The following ADSS2 variants were observed in gnomAD, a reference collection of about 807,000 sequenced individuals.
The protein encoded by ADSS2 is adenylosuccinate synthase 2, also known as adenylosuccinate synthetase isozyme 2.
In ADSS2, 30 loss-of-function variants were observed where a neutral mutation model predicts 60.0. The observed-to-expected ratio is 0.50, with a 90% CI of 0.37 to 0.68. ADSS2 has a LOEUF of 0.68. ADSS2 is among the 30% of genes least tolerant of loss of function. The pLI, the probability that ADSS2 is intolerant of heterozygous loss-of-function variation, is 0.00. For synonymous variants in ADSS2, 187 were observed against 193.1 expected, an observed-to-expected ratio of 0.97 and a Z score of 0.26; for missense variants, 373 against 554.8, an observed-to-expected ratio of 0.67 and a Z score of 3.29.
chr1:244,435,358 T>A (rs1441050420), intron 3 of ADSS2, among the ~76,000 whole-genome samples: 2 of 152,030 alleles, frequency 1.3e-5, no homozygotes, highest in Non-Finnish European at 2.9e-5. Flanking sequence ...TTTTTGGACT[T>A]TGGAATATCT....
intron 11 of ADSS2, among the ~76,000 whole-genome samples, chr1:244,412,967 T>C (rs1419312720): frequency 1.3e-5 from 2 of 152,182 alleles, no homozygotes; most frequent in African/African-American, 4.8e-5. Context: ...TTCCCCCTCC[T>C]GGCCAGTAAA....
intron 3 of ADSS2, among the ~76,000 whole-genome samples, chr1:244,435,193 A>AAC (rs1665063429): frequency 7.0e-6 from 1 of 142,198 alleles, no homozygotes; most frequent in Non-Finnish European, 1.6e-5. Context: ...AAAAAAAAAA[A>AAC]AAAACAAACC....
At chr1:244,427,809 T>C (rs546818818) in intron 4 of ADSS2, among the ~76,000 whole-genome samples, 31 of 152,302 alleles carry the variant, frequency 2.0e-4, no homozygotes, top group African/African-American at 7.0e-4. Flanking sequence ...CTAATTAGTA[T>C]ATACAGCATC....
intron 3 of ADSS2, among the ~76,000 whole-genome samples, chr1:244,435,641 C>T (rs537894477): frequency 7.3e-5 from 11 of 151,122 alleles, no homozygotes; most frequent in Non-Finnish European, 1.6e-4. Context: ...CTACCTCCAT[C>T]CTTCTCTTCC....
intron 9 of ADSS2, among the ~76,000 whole-genome samples, chr1:244,418,372 A>C (rs1314666779): frequency 6.6e-6 from 1 of 152,154 alleles, no homozygotes; most frequent in African/African-American, 2.4e-5. Context: ...CGCCGGCTGG[A>C]GTGCCATGGT....
At chr1:244,415,273 T>C (rs1469985394) in intron 11 of ADSS2, among the ~76,000 whole-genome samples, 6 of 152,232 alleles carry the variant, frequency 3.9e-5, no homozygotes, top group African/African-American at 1.4e-4. Flanking sequence ...TAACATATAC[T>C]GGAACAGCCA....
At position 244,412,093 on chromosome 1, in the gene ADSS2, C is replaced by G. The variant is rs536379969; in HGVS notation, c.1169-657G>C. The stretch of plus-strand genomic sequence containing the variant: ...CTCCACCAAAGGGAGCTGCTGCCCC[C>G]CAGCAGCCCATATCCATTGACTTGT... On this transcript the variant is annotated intron_variant, in intron 11 of 12. Transcript: ENST00000366535. 3.3e-3 allele frequency among the ~76,000 whole-genome samples: 509 copies of G among 152,284 alleles called. 4 individuals carry two copies. Among genetic ancestry groups the G allele is most frequent in the African/African-American group, 0.012 (485 of 41,572 alleles).
intron 12 of ADSS2, among the ~76,000 whole-genome samples, chr1:244,410,156 C>T (rs1184486670): frequency 6.6e-6 from 1 of 152,180 alleles, no homozygotes; most frequent in Non-Finnish European, 1.5e-5. Context: ...TTTTGTTAGA[C>T]TCACTGCTGT....
At chr1:244,443,796 G>A (rs1015611664) in intron 1 of ADSS2, among the ~76,000 whole-genome samples, 4 of 152,166 alleles carry the variant, frequency 2.6e-5, no homozygotes, top group African/African-American at 9.7e-5. Flanking sequence ...AGGTTTAGTG[G>A]CTCCTCACAA....
At position 244,409,330 on chromosome 1, in the gene ADSS2, G is replaced by GA. The variant is rs76040005; in HGVS notation, c.*255dup. ...ATGGATTATACTATTACTAAACATT[G>GA]AAAAAAAAAACGTGGCACCATGAGA... On this transcript the variant is annotated 3_prime_UTR_variant, in exon 13 of 13. Transcript: ENST00000366535. 187,307 of 308,818 alleles carry GA rather than the reference G, an allele frequency of 0.61. 49,404 individuals carry two copies. The highest frequency in any genetic ancestry group is 0.62 in the Admixed American group (12,448 of 19,954). 19.1% of individuals were successfully genotyped at this position (308,818 alleles called of 1,614,324 possible). A position where few individuals can be genotyped will look rare whatever the true frequency, so the allele number is the denominator to read the frequency against.
intron 7 of ADSS2, among the ~76,000 whole-genome samples, chr1:244,420,657 G>A (rs1664653271): frequency 6.6e-6 from 1 of 152,060 alleles, no homozygotes; most frequent in Admixed American, 6.6e-5. Flanking sequence ...ATTTTGTGAG[G>A]TATTTGAAAA....
chr1:244,443,865 G>A (rs1558280848), intron 1 of ADSS2, among the ~76,000 whole-genome samples: 1 of 152,172 alleles, frequency 6.6e-6, no homozygotes, highest in Non-Finnish European at 1.5e-5. Flanking sequence ...GCCACGTGCT[G>A]ACACCGCCTT....
rs60576167 is a variant in ADSS2 at position 244,435,168 on chromosome 1, C to CAAAAAAAAAAAAAAAAAAAAAAAAAA, written c.355+1631_355+1656dup. Among the ~76,000 whole-genome samples the CAAAAAAAAAAAAAAAAAAAAAAAAAA allele has an allele frequency of 1.7e-4, 9 of 51,750 alleles. 1 individual carries two copies. Among genetic ancestry groups the CAAAAAAAAAAAAAAAAAAAAAAAAAA allele is most frequent in the African/African-American group, 6.7e-4 (8 of 12,006 alleles). 34.0% of individuals were successfully genotyped at this position (51,750 alleles called of 152,430 possible). ...GGGTGACAGAGAGAGACTCCGTCTC[C>CAAAAAAAAAAAAAAAAAAAAAAAAAA]AAAAAAAAAAAAAAAAAAAAAAAAA... On this transcript the variant is annotated intron_variant, in intron 3 of 12. Transcript: ENST00000366535.
chr1:244,432,962 C>T (rs978166460), intron 3 of ADSS2, among the ~76,000 whole-genome samples: 3 of 152,050 alleles, frequency 2.0e-5, no homozygotes, highest in Non-Finnish European at 4.4e-5. Flanking sequence ...CTAGGCCAGG[C>T]GTGGTGGCTA....
chr1:244,451,946 G>A, upstream of ADSS2: 5 of 974,452 alleles, frequency 5.1e-6, no homozygotes, highest in Non-Finnish European at 7.1e-6. The surrounding 1 kb of genome is among the most constrained non-coding windows in gnomAD (Gnocchi z 6.6). Context: ...CCCCCGCCCC[G>A]CCGGGCCGCC....
At chr1:244,424,219 G>A in intron 5 of ADSS2, 102 bp downstream of exon 5, 2 of 1,275,154 alleles carry the variant, frequency 1.6e-6, no homozygotes, top group East Asian at 4.9e-5. Flanking sequence ...TCTAAAACAG[G>A]ATATTCTAAT....
intron 6 of ADSS2, 126 bp from the exon 7 acceptor site, chr1:244,423,042 G>T: frequency 1.8e-6 from 1 of 555,630 alleles, no homozygotes; most frequent in South Asian, 3.4e-5. Flanking sequence ...TGAAACTGAA[G>T]TCACCTTCTG....
intron 2 of ADSS2, 63 bp from the exon 3 acceptor site, chr1:244,436,956 G>A: frequency 2.9e-6 from 4 of 1,397,958 alleles, no homozygotes; most frequent in Middle Eastern, 3.8e-4. Flanking sequence ...GTAACTTAAA[G>A]GACATTCTGA....
At chr1:244,432,656 A>ATTTATTT in intron 3 of ADSS2, 61 bp from the exon 4 acceptor site, 4 of 709,810 alleles carry the variant, frequency 5.6e-6, no homozygotes, top group Non-Finnish European at 8.6e-6. Context: ...TAAAATCTTA[A>ATTTATTT]TTTCTTTTTT....
Sources: gnomAD v4.1 joint callset for allele counts (sites outside exome capture counted in the v4.1 genomes callset) on GRCh38, gnomAD v4.1.1 for gene constraint, Gnocchi (gnomAD v3.1) non-coding constraint, MANE v1.5 for transcripts, NCBI Gene and HGNC (gene_info 2026-07-23, HGNC 2026-07-21) for gene names.